Variants in SLC24A2 observed in about 807,000 individuals in gnomAD.
SLC24A2 encodes the protein solute carrier family 24 member 2.
In SLC24A2, 36 loss-of-function variants were observed where a neutral mutation model predicts 62.0. The ratio of observed to expected loss-of-function variants is 0.58; its 90% confidence interval spans 0.44 to 0.77. SLC24A2 has a LOEUF of 0.77. SLC24A2 is among the 30% of genes least tolerant of loss of function. The pLI is 0.00. For missense variants in SLC24A2, 846 were observed against 817.9 expected, an observed-to-expected ratio of 1.03 and a Z score of -0.42; for synonymous variants, 358 against 294.0, an observed-to-expected ratio of 1.22 and a Z score of -2.23.
chr9:20,006,371 T>C, the SLC24A2 span, among the ~76,000 whole-genome samples: 1 of 151,896 alleles, frequency 6.6e-6, no homozygotes, highest in Non-Finnish European at 1.5e-5. Context: ...GTACAAAATA[T>C]AACTAGATAG....
chr9:20,225,928 G>A, the SLC24A2 span, among the ~76,000 whole-genome samples: 1 of 151,824 alleles, frequency 6.6e-6, no homozygotes, highest in Non-Finnish European at 1.5e-5. Context: ...TACATAGGAA[G>A]GAGAGAAGAA....
the SLC24A2 span, among the ~76,000 whole-genome samples, chr9:20,212,057 A>C: frequency 6.7e-6 from 1 of 148,800 alleles, no homozygotes; most frequent in Non-Finnish European, 1.5e-5. Context: ...AATGGGTTGA[A>C]CTTCCCTATT....
chr9:19,619,917 A>C (rs1817869235), intron 3 of SLC24A2, among the ~76,000 whole-genome samples: 1 of 152,214 alleles, frequency 6.6e-6, no homozygotes, highest in Non-Finnish European at 1.5e-5. Context: ...AGAGCTTTGT[A>C]AATGCCAGAC....
chr9:19,799,192 A>G, the SLC24A2 span, among the ~76,000 whole-genome samples: 1 of 150,296 alleles, frequency 6.7e-6, no homozygotes, highest in African/African-American at 2.4e-5. Flanking sequence ...TTCCCCTACT[A>G]TCTCATTTCT....
the SLC24A2 span, among the ~76,000 whole-genome samples, chr9:20,011,107 T>G: frequency 3.3e-5 from 5 of 152,168 alleles, no homozygotes; most frequent in Non-Finnish European, 5.9e-5. Flanking sequence ...TGATTTATAA[T>G]CCTTTGGGTA....
At chr9:20,078,873 T>C in the SLC24A2 span, among the ~76,000 whole-genome samples, 3 of 152,208 alleles carry the variant, frequency 2.0e-5, no homozygotes, top group Non-Finnish European at 4.4e-5. Flanking sequence ...TGAAGAATTG[T>C]ATGTGCTTTC....
intron 2 of SLC24A2, among the ~76,000 whole-genome samples, chr9:19,703,271 AG>A (rs748881571): frequency 9.9e-5 from 15 of 152,202 alleles, no homozygotes; most frequent in Non-Finnish European, 1.6e-4. Context: ...TAGGGCTCAG[AG>A]AGATTACATG....
In SLC24A2 at chr9:19,600,991, T is replaced by A. The variant is rs118103064; in HGVS notation, c.1079-3712A>T. Among the ~76,000 whole-genome samples the A allele has an allele frequency of 1.5e-3, 233 of 152,340 alleles. 1 individual carries two copies. Among genetic ancestry groups the A allele is most frequent in the Non-Finnish European group, 2.4e-3 (160 of 68,036 alleles). ...TGAAGCCAGCTGGACTTCCTGGGTC[T>A]AGTGGGGACTTGGAGAACTTTTCTG... On this transcript the variant is annotated intron_variant, in intron 4 of 10. Coordinates refer to ENST00000341998, the MANE Select transcript of SLC24A2 (RefSeq NM_020344.4).
intron 2 of SLC24A2, among the ~76,000 whole-genome samples, chr9:19,636,284 C>G (rs10964239): frequency 1.3e-5 from 1 of 76,002 alleles, no homozygotes; most frequent in Non-Finnish European, 2.5e-5. Flanking sequence ...TTCTCTTCTT[C>G]TCTTCTTTTC....
the SLC24A2 span, chr9:19,929,709 G>A: frequency 2.0e-5 from 3 of 152,492 alleles, no homozygotes; most frequent in African/African-American, 7.2e-5. Context: ...AAAGCCTCAG[G>A]CAGGTTCTTC....
the SLC24A2 span, chr9:19,928,510 T>C: frequency 6.6e-6 from 1 of 152,206 alleles, no homozygotes; most frequent in African/African-American, 2.4e-5. Context: ...TTCTCTTTGT[T>C]CTTTTGCTCC....
At chr9:19,669,601 G>A (rs1427831583) in intron 2 of SLC24A2, among the ~76,000 whole-genome samples, 3 of 152,190 alleles carry the variant, frequency 2.0e-5, no homozygotes, top group Non-Finnish European at 2.9e-5. Flanking sequence ...AGGCTCTGGG[G>A]GAAAATCCAT....
chr9:19,991,798 T>C, the SLC24A2 span, among the ~76,000 whole-genome samples: 1 of 152,122 alleles, frequency 6.6e-6, no homozygotes, highest in Non-Finnish European at 1.5e-5. Context: ...TGGTTGATTA[T>C]AGAGGAGAGA....
chr9:20,224,033 T>C, the SLC24A2 span, among the ~76,000 whole-genome samples: 1,065 of 152,102 alleles, frequency 7.0e-3, 15 homozygotes, highest in African/African-American at 0.025. Context: ...TCAGATCTCA[T>C]GAGAACTCAC....
chr9:20,179,774 T>A, the SLC24A2 span, among the ~76,000 whole-genome samples: 3 of 152,202 alleles, frequency 2.0e-5, no homozygotes, highest in Non-Finnish European at 4.4e-5. Context: ...GACTGAGGGT[T>A]AAGTGCAAAA....
At chr9:20,018,694 C>G in the SLC24A2 span, among the ~76,000 whole-genome samples, 1 of 152,022 alleles carries the variant, frequency 6.6e-6, no homozygotes, top group Non-Finnish European at 1.5e-5. Context: ...ACACCAGGCA[C>G]TATGTAAATT....
At chr9:20,009,616 G>A in the SLC24A2 span, among the ~76,000 whole-genome samples, 2 of 152,222 alleles carry the variant, frequency 1.3e-5, no homozygotes, top group East Asian at 1.9e-4. Context: ...TCCCTAGGTC[G>A]AGAGGCAACT....
the SLC24A2 span, among the ~76,000 whole-genome samples, chr9:20,089,991 A>G: frequency 5.9e-5 from 9 of 152,056 alleles, no homozygotes; most frequent in African/African-American, 1.7e-4. Flanking sequence ...GAGGAACAAA[A>G]AGCCCCTCTG....
the SLC24A2 span, among the ~76,000 whole-genome samples, chr9:20,081,379 C>T: frequency 6.7e-6 from 1 of 148,442 alleles, no homozygotes; most frequent in South Asian, 2.1e-4. Context: ...ATCACAAAGA[C>T]AAAAAACCAA....
Sources: gnomAD v4.1 joint callset for allele counts (sites outside exome capture counted in the v4.1 genomes callset) on GRCh38, gnomAD v4.1.1 for gene constraint, MANE v1.5 for transcripts, NCBI Gene and HGNC (gene_info 2026-07-23, HGNC 2026-07-21) for gene names.